SLFN11: variants seen among roughly 807,000 people sequenced by gnomAD.
SLFN11 encodes the protein schlafen family member 11.
Under a neutral mutation model 53.4 loss-of-function variants are expected in SLFN11, and 43 were observed. That is an observed-to-expected ratio of 0.80 (90% CI 0.63 to 1.04). The LOEUF is 1.04. Ranked by LOEUF, SLFN11 falls within the 50% of genes least tolerant of loss-of-function variation. The pLI is 0.00. For synonymous variants in SLFN11, 389 were observed against 394.7 expected (o/e 0.99, Z 0.17); for missense variants, 990 against 1,079.1 (o/e 0.92, Z 1.16).
chr17:35,354,191 AT>A, intron 5 of SLFN11, 132 bp from the exon 6 acceptor site: 1 of 675,400 alleles, frequency 1.5e-6, no homozygotes, highest in Non-Finnish European at 2.1e-6. Flanking sequence ...TATAAATATT[AT>A]TATATTATAG....
chr17:35,370,345 C>T (rs940313249), intron 1 of SLFN11, among the ~76,000 whole-genome samples: 1 of 152,042 alleles, frequency 6.6e-6, no homozygotes, highest in Non-Finnish European at 1.5e-5. Context: ...ATAATAAAAT[C>T]CATGTATGAC....
intron 5 of SLFN11, among the ~76,000 whole-genome samples, chr17:35,356,797 T>TACACACACACACACACAC (rs61566848): frequency 1.4e-5 from 2 of 140,108 alleles, no homozygotes; most frequent in African/African-American, 2.6e-5. Context: ...ATATGTAGCA[T>TACACACACACACACACAC]ACACACACAC....
chr17:35,370,745 C>A (rs912082708), intron 1 of SLFN11, among the ~76,000 whole-genome samples: 1 of 151,690 alleles, frequency 6.6e-6, no homozygotes, highest in African/African-American at 2.4e-5. Flanking sequence ...AAATTAAATA[C>A]CTAGGAATTA....
rs765384210 is a variant in SLFN11 at position 35,352,675 on chromosome 17, C to T, written c.2387G>A (p.Cys796Tyr). 14 of 1,613,880 alleles carry T rather than the reference C, an allele frequency of 8.7e-6. No homozygotes were observed. In the Admixed American group the frequency reaches 2.3e-4, roughly 27 times the overall value. Residue 796 changes from cysteine (C) to tyrosine (Y), a missense_variant, in exon 7 of 7, where the codon TGC becomes TAC. Around this residue, in one of 3 missense-constraint regions of SLFN11, gnomAD observed 313 missense variants for 320.9 expected, o/e 0.98. Transcript: ENST00000685675. ...ATAGCCCCTATCAAAGAAGCGCCTGCACGTGTCTGCCACACAGGTCATTAT... is the reference window on the plus strand; with the variant it reads ...ATAGCCCCTATCAAAGAAGCGCCTGTACGTGTCTGCCACACAGGTCATTAT... ...EQIMTCVADTCRRFFDRGYSP... is the reference protein window; with the variant it reads ...EQIMTCVADTYRRFFDRGYSP...
rs946377967 is a variant in SLFN11, at chr17:35,358,343, T to C, written c.1198+1900A>G. 5.3e-5 allele frequency among the ~76,000 whole-genome samples: 8 copies of C among 151,756 alleles called. No individual in the cohort carries two copies. In the South Asian group the frequency reaches 1.0e-3, roughly 20 times the overall value. ...ATTTTACTGTTTACAGTAGTTTTCT[T>C]TGATTATCATGAATTCTCCAGATAT... On this transcript the variant is annotated intron_variant, in intron 5 of 6. Transcript: ENST00000685675.
At chr17:35,361,036 A>G (rs1343031248) in intron 4 of SLFN11, among the ~76,000 whole-genome samples, 1 of 152,074 alleles carries the variant, frequency 6.6e-6, no homozygotes, top group Non-Finnish European at 1.5e-5. Context: ...TAACTTTTTC[A>G]TGTGCTTTGG....
At position 35,352,422 on chromosome 17, in the gene SLFN11, A is replaced by G. The variant is rs141788369; in HGVS notation, c.2640T>C (p.Asn880=). ...PRTADPAILP[N]VLICLASRAK... ...CCCTGGAAGCCAGACAGATCAGAAC[A>G]TTGGGTAAGATAGCTGGGTCAGCTG... The change falls in exon 7 of 7, where the codon AAT becomes AAC. Residue 880 remains asparagine, a synonymous_variant. Coordinates refer to ENST00000685675, the MANE Select transcript of SLFN11 (RefSeq NM_001376007.1). 1.9e-6 allele frequency: 3 copies of G among 1,614,132 alleles called. No homozygotes were observed. The African/African-American group carries it at 4.0e-5, about 22-fold the overall frequency.
At position 35,351,138 on chromosome 17, in the gene SLFN11, G is replaced by T. The variant is rs899891457; in HGVS notation, c.*1218C>A. 1 of 152,256 alleles carries T rather than the reference G, an allele frequency of 6.6e-6. No individual in the cohort carries two copies. Among genetic ancestry groups the T allele is most frequent in the African/African-American group, 2.4e-5 (1 of 41,444 alleles). 9.4% of individuals were successfully genotyped at this position (152,256 alleles called of 1,614,324 possible). On this transcript the variant is annotated 3_prime_UTR_variant, in exon 7 of 7. Transcript: ENST00000685675. ...TCCAAGACTCTCGCCAGCAGCGAGA[G>T]TTTGATTGTGAGGCTTCTCCTCTTG... is the stretch of plus-strand genomic sequence containing the variant.
intron 1 of SLFN11, 106 bp downstream of exon 1, chr17:35,373,367 AC>A (rs1327374243): frequency 6.7e-6 from 1 of 148,324 alleles, no homozygotes; most frequent in Non-Finnish European, 1.5e-5. Context: ...AAGCACAGAT[AC>A]CCCCACTCCA....
intron 1 of SLFN11, among the ~76,000 whole-genome samples, chr17:35,369,667 T>C (rs1037853179): frequency 2.6e-5 from 4 of 151,860 alleles, no homozygotes; most frequent in Non-Finnish European, 5.9e-5. Context: ...ATAAATGAAA[T>C]CAGAGATGAA....
At chr17:35,370,807 G>A (rs1166395328) in intron 1 of SLFN11, among the ~76,000 whole-genome samples, 1 of 151,884 alleles carries the variant, frequency 6.6e-6, no homozygotes, top group Admixed American at 6.6e-5. Flanking sequence ...CATGATGAAA[G>A]AAATTGAAGA....
At position 35,363,199 on chromosome 17, in the gene SLFN11, T is replaced by C; in HGVS notation, c.609A>G (p.Glu203=). The change falls in exon 4 of 7, where the codon GAA becomes GAG. Residue 203 remains glutamate, a synonymous_variant. Transcript: ENST00000685675. Reference sequence around the variant, plus strand: ...ACTGAGACTCAGGAAAAGGCAGGATTTCACCATATTCAAGATAGTCTTTTT... The same window carrying C: ...ACTGAGACTCAGGAAAAGGCAGGATCTCACCATATTCAAGATAGTCTTTTT... ...IFQKDYLEYG[E]ILPFPESQLV... 6.2e-7 allele frequency: 1 copy of C among 1,614,090 alleles called. No homozygotes were observed. The highest frequency in any genetic ancestry group is 2.2e-5 in the East Asian group (1 of 44,876).
At chr17:35,368,091 A>T (rs115821812) in intron 1 of SLFN11, among the ~76,000 whole-genome samples, 2,032 of 152,110 alleles carry the variant, frequency 0.013, 54 homozygotes, top group African/African-American at 0.046. Context: ...TCAAATTGTC[A>T]AGTAGTGCCC....
At chr17:35,371,955 CA>C (rs1400490324) in intron 1 of SLFN11, among the ~76,000 whole-genome samples, 1 of 152,112 alleles carries the variant, frequency 6.6e-6, no homozygotes, top group Non-Finnish European at 1.5e-5. Context: ...CACAATTCAG[CA>C]ATTCTACTCC....
At chr17:35,371,260 A>C (rs1312668485) in intron 1 of SLFN11, among the ~76,000 whole-genome samples, 1 of 152,124 alleles carries the variant, frequency 6.6e-6, no homozygotes, top group Non-Finnish European at 1.5e-5. Context: ...GGAAAACTGG[A>C]TATCTATCCG....
At chr17:35,354,175 C>T (rs1907174288) in intron 5 of SLFN11, 116 bp from the exon 6 acceptor site, 1 of 800,602 alleles carries the variant, frequency 1.2e-6, no homozygotes. Context: ...GTTTCAAATA[C>T]TATTTTATAA....
In SLFN11 at chr17:35,353,504, A is replaced by C; in HGVS notation, c.1754T>G (p.Phe585Cys). The change falls in exon 6 of 7, where the codon TTC (phenylalanine) becomes TGC (cysteine). Residue 585 changes from phenylalanine (F) to cysteine (C), a missense_variant. Physicochemically the swap from Phe to Cys is radical, Grantham distance 205. This residue lies in a region of SLFN11 where 156 missense variants were observed against 241.9 expected (regional missense o/e 0.64). Transcript: ENST00000685675. ...NLLTAQQYEI[F>C]SRSLRKNREL... The stretch of plus-strand genomic sequence containing the variant: ...TCTGTTCTTGCGGAGGCTTCTGGAG[A>C]ATATCTCATACTGCTGGGCTGTGAG... 1 of 1,532,010 alleles carries C rather than the reference A, an allele frequency of 6.5e-7. No homozygotes were observed. Among genetic ancestry groups the C allele is most frequent in the Non-Finnish European group, 8.9e-7 (1 of 1,127,630 alleles). 94.9% of individuals were successfully genotyped at this position (1,532,010 alleles called of 1,614,324 possible). A position where few individuals can be genotyped will look rare whatever the true frequency, so the allele number is the denominator to read the frequency against.
chr17:35,357,035 A>G (rs1907575411), intron 5 of SLFN11, among the ~76,000 whole-genome samples: 1 of 151,860 alleles, frequency 6.6e-6, no homozygotes, highest in Non-Finnish European at 1.5e-5. Context: ...TTCTCCTTTT[A>G]ATTTACATGT....
In SLFN11 at chr17:35,352,200, G is replaced by A. The variant is rs551218272; in HGVS notation, c.*156C>T. The A allele has an allele frequency of 9.2e-4, 844 of 915,266 alleles. 4 individuals are homozygous for A. In the African/African-American group the frequency reaches 0.011, roughly 12 times the overall value. The allele number at this position is 915,266 out of a possible 1,614,324, so 56.7% of individuals were successfully genotyped here. A position where few individuals can be genotyped will look rare whatever the true frequency, so the allele number is the denominator to read the frequency against. ...CACCGCTGCTGAAAGGGTTGGGGAA[G>A]GAACCCCTGAAAGGAGAGCCAGAAA... On this transcript the variant is annotated 3_prime_UTR_variant, in exon 7 of 7. Transcript: ENST00000685675.
Sources: allele counts gnomAD v4.1 joint callset (sites outside exome capture counted in the v4.1 genomes callset), GRCh38; gene constraint gnomAD v4.1.1; regional missense constraint gnomAD v4.1.1; transcripts MANE v1.5; gene names NCBI Gene and HGNC (gene_info 2026-07-23, HGNC 2026-07-21).